Variants in PDE6G observed in about 807,000 individuals in gnomAD.
PDE6G encodes the protein phosphodiesterase 6G.
In PDE6G, 10 loss-of-function variants were observed where a neutral mutation model predicts 10.9. The observed-to-expected ratio is 0.91, with a 90% CI of 0.56 to 1.55. PDE6G has a LOEUF of 1.55. PDE6G is among the 40% of genes most tolerant of loss of function. The pLI is 0.00. For missense variants in PDE6G, 102 were observed against 110.1 expected (o/e 0.93, Z 0.33); for synonymous variants, 41 against 42.8 (o/e 0.96, Z 0.16).
Position 81,653,320 on chromosome 17 carries a change from A to C in PDE6G, c.-15T>G, listed in dbSNP as rs781117383. ...TCCAGGTTCATGGTGAGGCTGACGG[A>C]GACACCGCGGCAACCTTGGCTCCTG... On this transcript the variant is annotated 5_prime_UTR_variant, in exon 2 of 4. Coordinates refer to ENST00000331056, the MANE Select transcript of PDE6G (RefSeq NM_002602.4). The surrounding 1 kb of genome is among the most constrained non-coding windows in gnomAD (Gnocchi z 5.2). 3 of 1,609,824 alleles carry C rather than the reference A, an allele frequency of 1.9e-6. No homozygotes were observed. The South Asian group carries it at 3.3e-5, about 18-fold the overall frequency.
At position 81,653,493 on chromosome 17, in the gene PDE6G, T is replaced by A; in HGVS notation, c.-59-129A>T. 3.1e-6 allele frequency: 2 copies of A among 645,964 alleles called. 1 individual carries two copies. Among genetic ancestry groups the A allele is most frequent in the African/African-American group, 3.6e-5 (2 of 54,932 alleles). The allele number at this position is 645,964 out of a possible 1,614,324, so 40.0% of individuals were successfully genotyped here. ...CCAGCGTCATCCAGACAGCAGCCCC[T>A]GCAATCCGCCCTGGGGTAACCAGCC... On this transcript the variant is annotated intron_variant, in intron 1 of 3. Coordinates refer to ENST00000331056, the MANE Select transcript of PDE6G (RefSeq NM_002602.4). The surrounding 1 kb of genome is among the most constrained non-coding windows in gnomAD (Gnocchi z 5.2).
Position 81,653,483 on chromosome 17 carries a change from C to T in PDE6G, c.-59-119G>A, listed in dbSNP as rs1598719213. ...CCCGCCAGCTCCAGCGTCATCCAGA[C>T]AGCAGCCCCTGCAATCCGCCCTGGG... is the stretch of plus-strand genomic sequence containing the variant. On this transcript the variant is annotated intron_variant, in intron 1 of 3. Coordinates refer to ENST00000331056, the MANE Select transcript of PDE6G (RefSeq NM_002602.4). This position sits in a 1 kb window ranked among gnomAD's most constrained non-coding sequence, Gnocchi z 5.2. 3.8e-5 allele frequency: 26 copies of T among 677,042 alleles called. No homozygotes were observed. In the South Asian group the frequency reaches 4.7e-4, roughly 12 times the overall value. The allele number at this position is 677,042 out of a possible 1,614,324, so 41.9% of individuals were successfully genotyped here.
chr17:81,657,812 C>T (rs1441783807), upstream of PDE6G, among the ~76,000 whole-genome samples: 3 of 151,828 alleles, frequency 2.0e-5, no homozygotes, highest in East Asian at 1.9e-4. Context: ...ACCCGGGAGG[C>T]GGAGCTTGCA....
At chr17:81,652,479 T>G (rs1420832013) in intron 2 of PDE6G, among the ~76,000 whole-genome samples, 4 of 151,896 alleles carry the variant, frequency 2.6e-5, no homozygotes, top group Admixed American at 6.6e-5. Context: ...GGGTTTCACC[T>G]TCTTAGCCAG....
intron 1 of PDE6G, among the ~76,000 whole-genome samples, chr17:81,661,693 C>G (rs1254774841): frequency 6.6e-6 from 1 of 151,954 alleles, no homozygotes; most frequent in Non-Finnish European, 1.5e-5. Flanking sequence ...AAGCCCGTTG[C>G]TACTGAAACT....
upstream of PDE6G, among the ~76,000 whole-genome samples, chr17:81,661,370 G>A (rs1046891369): frequency 3.3e-5 from 5 of 152,220 alleles, no homozygotes; most frequent in Non-Finnish European, 5.9e-5. Context: ...CGAATGCCTA[G>A]GCAGATACGG....
chr17:81,657,863 A>T (rs2036467974), upstream of PDE6G, among the ~76,000 whole-genome samples: 1 of 151,636 alleles, frequency 6.6e-6, no homozygotes, highest in Non-Finnish European at 1.5e-5. Context: ...CCTGGGCGAC[A>T]GAGCGAGATT....
chr17:81,653,659 T>G lies in PDE6G; in HGVS notation c.-59-295A>C. The stretch of plus-strand genomic sequence containing the variant: ...CCCGGCCCACAATCCACAGCAAACC[T>G]AGCCTCCCAACCTGTGGCAGGTCCT... On this transcript the variant is annotated intron_variant, in intron 1 of 3. Transcript: ENST00000331056. The surrounding 1 kb of genome is among the most constrained non-coding windows in gnomAD (Gnocchi z 5.2). 4 of 343,300 alleles carry G rather than the reference T, an allele frequency of 1.2e-5. No homozygotes were observed. Among genetic ancestry groups the G allele is most frequent in the Non-Finnish European group, 1.7e-5 (3 of 177,446 alleles). The allele number at this position is 343,300 out of a possible 1,614,324, so 21.3% of individuals were successfully genotyped here.
chr17:81,657,886 A>AG (rs1466451714), upstream of PDE6G, among the ~76,000 whole-genome samples: 1 of 75,348 alleles, frequency 1.3e-5, no homozygotes, highest in African/African-American at 6.3e-5. Context: ...GTTTCAAATG[A>AG]ATAAATAAAT....
chr17:81,661,437 C>G (rs2036509191), upstream of PDE6G, among the ~76,000 whole-genome samples: 1 of 152,226 alleles, frequency 6.6e-6, no homozygotes, highest in Admixed American at 6.5e-5. Flanking sequence ...TGAAAGCCAG[C>G]CAGGCACAGT....
rs76001635 is a variant in PDE6G, at chr17:81,653,812, G to T, written c.-59-448C>A. On this transcript the variant is annotated intron_variant, in intron 1 of 3. Transcript: ENST00000331056. This position sits in a 1 kb window ranked among gnomAD's most constrained non-coding sequence, Gnocchi z 5.2. ...TAACTGCTACTCTGGGTTTTTTTTT[G>T]TTTTGTTTTGTTTTTGAGACAGAGT... The T allele has an allele frequency of 0.018, 2,879 of 161,960 alleles. 89 individuals are homozygous for T. Among genetic ancestry groups the T allele is most frequent in the African/African-American group, 0.065 (2,702 of 41,448 alleles). 10.0% of individuals were successfully genotyped at this position (161,960 alleles called of 1,614,324 possible). A position where few individuals can be genotyped will look rare whatever the true frequency, so the allele number is the denominator to read the frequency against.
rs566820446 is a variant in PDE6G, at chr17:81,650,945, G to A, written c.*129C>T. On this transcript the variant is annotated 3_prime_UTR_variant, in exon 4 of 4. Coordinates refer to ENST00000331056, the MANE Select transcript of PDE6G (RefSeq NM_002602.4). Reference sequence around the variant, plus strand: ...ATTAATATGTAGGGGGAGACCTGAGGTTGCAGTCCCATCCTGGTGTCCAGG... The same window carrying A: ...ATTAATATGTAGGGGGAGACCTGAGATTGCAGTCCCATCCTGGTGTCCAGG... 3 of 740,060 alleles carry A rather than the reference G, an allele frequency of 4.1e-6. No homozygotes were observed. The highest frequency in any genetic ancestry group is 7.4e-6 in the Non-Finnish European group (3 of 404,140). 45.8% of individuals were successfully genotyped at this position (740,060 alleles called of 1,614,324 possible).
Position 81,656,511 on chromosome 17 carries a change from CA to C in PDE6G, c.-79del, listed in dbSNP as rs1464219378. ...TACTCACCAAGTGCAGGGCGGGTCTCAGGGGGCTGTGCTGTGAGTGCTGGGC... is the reference window on the plus strand; with the variant it reads ...TACTCACCAAGTGCAGGGCGGGTCTCGGGGGCTGTGCTGTGAGTGCTGGGC... On this transcript the variant is annotated 5_prime_UTR_variant, in exon 1 of 4. Coordinates refer to ENST00000331056, the MANE Select transcript of PDE6G (RefSeq NM_002602.4). 1.3e-6 allele frequency: 1 copy of C among 763,822 alleles called. No homozygotes were observed. Among genetic ancestry groups the C allele is most frequent in the Admixed American group, 1.7e-5 (1 of 58,802 alleles). 47.3% of individuals were successfully genotyped at this position (763,822 alleles called of 1,614,324 possible). A position where few individuals can be genotyped will look rare whatever the true frequency, so the allele number is the denominator to read the frequency against.
chr17:81,661,986 G>A (rs1446486108), intron 1 of PDE6G, among the ~76,000 whole-genome samples: 1 of 151,604 alleles, frequency 6.6e-6, no homozygotes, highest in Admixed American at 6.6e-5. Context: ...AGCCAAGATC[G>A]CACCACTACA....
upstream of PDE6G, chr17:81,656,670 G>C: frequency 1.4e-6 from 1 of 702,982 alleles, no homozygotes; most frequent in South Asian, 1.5e-5. Flanking sequence ...GGGATGGAGA[G>C]GAGGGGCTCA....
At chr17:81,659,556 G>A (rs549218495), upstream of PDE6G, among the ~76,000 whole-genome samples, 39 of 151,762 alleles carry the variant, frequency 2.6e-4, no homozygotes, top group African/African-American at 7.7e-4. Flanking sequence ...CTGAGATGGC[G>A]CCACTGCACT....
chr17:81,661,837 C>T (rs544343413), intron 1 of PDE6G, among the ~76,000 whole-genome samples: 5 of 129,206 alleles, frequency 3.9e-5, no homozygotes, highest in East Asian at 2.4e-4. Context: ...CTCCAGCCTG[C>T]GACAGAGTGA....
In PDE6G at chr17:81,653,565, T is replaced by TA. The variant is rs2036402005; in HGVS notation, c.-59-202dup. 1 of 532,290 alleles carries TA rather than the reference T, an allele frequency of 1.9e-6. No homozygotes were observed. Among genetic ancestry groups the TA allele is most frequent in the South Asian group, 2.0e-5 (1 of 49,470 alleles). The allele number at this position is 532,290 out of a possible 1,614,324, so 33.0% of individuals were successfully genotyped here. ...CCCGCACGCTCCCATTCCCCTTGCCTAGTGGATGCCCCCCTGCAACGCTGG... is the reference window on the plus strand; with the variant it reads ...CCCGCACGCTCCCATTCCCCTTGCCTAAGTGGATGCCCCCCTGCAACGCTGG... On this transcript the variant is annotated intron_variant, in intron 1 of 3. Transcript: ENST00000331056. This position sits in a 1 kb window ranked among gnomAD's most constrained non-coding sequence, Gnocchi z 5.2.
Position 81,651,533 on chromosome 17 carries a change from G to A in PDE6G, c.187+112C>T. On this transcript the variant is annotated intron_variant, in intron 3 of 3. Transcript: ENST00000331056. The surrounding 1 kb of genome is among the most constrained non-coding windows in gnomAD (Gnocchi z 4.8). The stretch of plus-strand genomic sequence containing the variant: ...TGATGGACAGGCTGGGGGTCCCTAA[G>A]TGAAAAGCAGGGGAGGTGGGGGCCG... 8.6e-6 allele frequency: 8 copies of A among 931,110 alleles called. 1 individual carries two copies. The South Asian group carries it at 1.1e-4, about 12-fold the overall frequency. 57.7% of individuals were successfully genotyped at this position (931,110 alleles called of 1,614,324 possible).
Sources: gnomAD v4.1 joint callset for allele counts (sites outside exome capture counted in the v4.1 genomes callset) on GRCh38, gnomAD v4.1.1 for gene constraint, Gnocchi (gnomAD v3.1) non-coding constraint, MANE v1.5 for transcripts, NCBI Gene and HGNC (gene_info 2026-07-23, HGNC 2026-07-21) for gene names.